Variants in FRYL observed in about 807,000 individuals in gnomAD.
FRYL encodes the protein FRY like transcription coactivator.
Under a neutral mutation model 351.2 loss-of-function variants are expected in FRYL, and 150 were observed. That is an observed-to-expected ratio of 0.43 (90% CI 0.37 to 0.49). The LOEUF (loss-of-function observed/expected upper bound fraction) is 0.49, where lower values mean the gene tolerates loss of function less well. Among genes scored for constraint, FRYL ranks in the 20% least tolerant of loss-of-function variants. The pLI is 0.00. For missense variants in FRYL, 3,036 were observed against 3,619.3 expected (o/e 0.84, Z 4.13); for synonymous variants, 1,153 against 1,257.1 (o/e 0.92, Z 1.75).
At chr4:48,528,565 A>G (rs1292535375) in intron 50 of FRYL, among the ~76,000 whole-genome samples, 1 of 152,174 alleles carries the variant, frequency 6.6e-6, no homozygotes, top group Non-Finnish European at 1.5e-5. Context: ...GATTATCAGA[A>G]AGCCTATTCC....
At chr4:48,552,319 G>T (rs1733041430) in intron 36 of FRYL, among the ~76,000 whole-genome samples, 1 of 151,702 alleles carries the variant, frequency 6.6e-6, no homozygotes, top group Admixed American at 6.6e-5. Flanking sequence ...TGACTAGAAA[G>T]AGTTTTCTCT....
rs551964366 is a variant in FRYL at position 48,685,803 on chromosome 4, G to A, written c.-203-1008C>T. Among the ~76,000 whole-genome samples, 415 of 151,740 alleles carry A rather than the reference G, an allele frequency of 2.7e-3. 3 individuals carry two copies. The highest frequency in any genetic ancestry group is 9.1e-3 in the African/African-American group (378 of 41,380). On this transcript the variant is annotated intron_variant, in intron 2 of 63. Coordinates refer to ENST00000358350, the MANE Select transcript of FRYL (RefSeq NM_015030.2). Reference sequence around the variant, plus strand: ...AGTTTCACTCTTGTTGCCCAGGCTAGAGTGCAGTGGCACGATCTCAGCTCA... The same window carrying A: ...AGTTTCACTCTTGTTGCCCAGGCTAAAGTGCAGTGGCACGATCTCAGCTCA...
intron 3 of FRYL, among the ~76,000 whole-genome samples, chr4:48,671,898 A>C (rs1762825271): frequency 6.8e-6 from 1 of 148,010 alleles, no homozygotes. Context: ...AAAAGAAGGA[A>C]AGACAGAAAA....
chr4:48,670,820 A>G (rs1024773998), intron 3 of FRYL, among the ~76,000 whole-genome samples: 7 of 152,184 alleles, frequency 4.6e-5, no homozygotes, highest in Non-Finnish European at 7.3e-5. Context: ...GTGTGTATGT[A>G]CCACATTTTC....
chr4:48,505,377 G>T, intron 60 of FRYL, 170 bp downstream of exon 60: 642 of 561,244 alleles, frequency 1.1e-3, no homozygotes, highest in Non-Finnish European at 1.3e-3. Context: ...TTTTCATTAT[G>T]AAACCAGTAT....
intron 3 of FRYL, among the ~76,000 whole-genome samples, chr4:48,657,461 AG>A (rs1759483107): frequency 6.7e-6 from 1 of 149,738 alleles, no homozygotes; most frequent in Non-Finnish European, 1.5e-5. Flanking sequence ...TCTTCAAATG[AG>A]TTTTCTACCC....
chr4:48,537,379 C>T (rs1729118757), intron 47 of FRYL, among the ~76,000 whole-genome samples: 1 of 152,032 alleles, frequency 6.6e-6, no homozygotes, highest in African/African-American at 2.4e-5. Context: ...TGTTTTATAA[C>T]AAACTTTTTT....
rs1730002326 is a variant in FRYL at position 48,540,896 on chromosome 4, G to A, written c.5752C>T (p.Leu1918Phe). ...YAANRKSTGQ[L>F]NLSTSPINSS... is the part of the protein sequence containing the mutation. ...TTAATGGGACTTGTGCTTAGATTGAGTTGTCCAGTGCTTTTCCTGTTAGCT... is the reference window on the plus strand; with the variant it reads ...TTAATGGGACTTGTGCTTAGATTGAATTGTCCAGTGCTTTTCCTGTTAGCT... Residue 1918 changes from leucine (L) to phenylalanine (F), a missense_variant, in exon 46 of 64, where the codon CTC becomes TTC. This residue lies in a region of FRYL where 1,987 missense variants were observed against 2,311.7 expected (regional missense o/e 0.86). Transcript: ENST00000358350. The A allele has an allele frequency of 1.9e-6, 3 of 1,613,256 alleles. No individual in the cohort carries two copies. Among genetic ancestry groups the A allele is most frequent in the Admixed American group, 1.7e-5 (1 of 59,948 alleles).
At chr4:48,527,757 G>T in intron 52 of FRYL, 104 bp from the exon 53 acceptor site, 2 of 1,184,744 alleles carry the variant, frequency 1.7e-6, no homozygotes, top group Non-Finnish European at 2.4e-6. Flanking sequence ...ATTCTTCAAT[G>T]AATTCACAGC....
intron 1 of FRYL, among the ~76,000 whole-genome samples, chr4:48,762,506 A>T (rs1207227941): frequency 6.6e-6 from 1 of 152,226 alleles, no homozygotes; most frequent in East Asian, 1.9e-4. Flanking sequence ...GGTTACAGAC[A>T]CAGGATGGAA....
rs1226337436 is a variant in FRYL, at chr4:48,687,979, T to C, written c.-203-3184A>G. On this transcript the variant is annotated intron_variant, in intron 2 of 63. Transcript: ENST00000358350. ...ACAGTTGTTAGGAATGTTAACATTCTTACAGAATGTTATAAAAGGGATTAT... is the reference window on the plus strand; with the variant it reads ...ACAGTTGTTAGGAATGTTAACATTCCTACAGAATGTTATAAAAGGGATTAT... 2.6e-5 allele frequency among the ~76,000 whole-genome samples: 4 copies of C among 152,168 alleles called. No individual in the cohort carries two copies. The East Asian group carries it at 7.7e-4, about 29-fold the overall frequency.
At chr4:48,562,352 T>C (rs1459272854) in intron 32 of FRYL, among the ~76,000 whole-genome samples, 2 of 152,168 alleles carry the variant, frequency 1.3e-5, no homozygotes, top group Admixed American at 6.5e-5. Flanking sequence ...TTCAGAGCCT[T>C]TGGAAAAAGC....
rs1406505868 is a variant in FRYL at position 48,581,488 on chromosome 4, T to A, written c.2104A>T (p.Thr702Ser). 10 of 1,614,112 alleles carry A rather than the reference T, an allele frequency of 6.2e-6. No individual in the cohort carries two copies. In the South Asian group the frequency reaches 1.1e-4, roughly 18 times the overall value. The change falls in exon 21 of 64, where the codon ACT becomes TCT. Residue 702 changes from threonine to serine, a missense_variant. By Grantham distance (58) the Thr-to-Ser change is moderately conservative. Around this residue, in one of 7 missense-constraint regions of FRYL, gnomAD observed 492 missense variants for 551.5 expected, o/e 0.89. Coordinates refer to ENST00000358350, the MANE Select transcript of FRYL (RefSeq NM_015030.2). ...LVILCSSRPA[T>S]RRLAVSVLRE... is the part of the protein sequence containing the mutation. Reference sequence around the variant, plus strand: ...AGGACACTGACGGCTAGTCTCCTAGTGGCAGGTCGACTGCTACAGAGAATG... The same window carrying A: ...AGGACACTGACGGCTAGTCTCCTAGAGGCAGGTCGACTGCTACAGAGAATG...
At position 48,634,491 on chromosome 4, in the gene FRYL, CTAAAAG is replaced by C. The variant is rs1753841595; in HGVS notation, c.-80-7_-80-2del. Reference sequence around the variant, plus strand: ...TTTACTTTGCTGACTGGCGCTGAAGCTAAAAGTAAAAGAAACAAAAGAACTCTACTT... The same window carrying C: ...TTTACTTTGCTGACTGGCGCTGAAGCTAAAAGAAACAAAAGAACTCTACTT... On this transcript the variant is annotated splice_acceptor_variant and splice_polypyrimidine_tract_variant and intron_variant, in intron 3 of 63. Coordinates refer to ENST00000358350, the MANE Select transcript of FRYL (RefSeq NM_015030.2). LOFTEE classifies it low-confidence loss of function (5UTR_SPLICE). 6.2e-7 allele frequency: 1 copy of C among 1,603,180 alleles called. No individual in the cohort carries two copies. Among genetic ancestry groups the C allele is most frequent in the Non-Finnish European group, 8.5e-7 (1 of 1,173,560 alleles).
chr4:48,604,753 C>T (rs543732409), intron 11 of FRYL, among the ~76,000 whole-genome samples: 19 of 152,298 alleles, frequency 1.2e-4, no homozygotes, highest in Admixed American at 4.6e-4. Context: ...TACTTTATTA[C>T]GGCTGTCCTA....
At chr4:48,708,356 A>G (rs1395952820) in intron 2 of FRYL, among the ~76,000 whole-genome samples, 1 of 152,076 alleles carries the variant, frequency 6.6e-6, no homozygotes, top group East Asian at 1.9e-4. Context: ...CATCCCAGCT[A>G]CTCGGGTGGC....
At chr4:48,610,525 C>G (rs991901057) in intron 7 of FRYL, among the ~76,000 whole-genome samples, 1 of 150,848 alleles carries the variant, frequency 6.6e-6, no homozygotes, top group African/African-American at 2.4e-5. Context: ...GTATTTAGAG[C>G]GCCTCCTTAT....
chr4:48,628,536 G>A (rs548066598), intron 4 of FRYL, among the ~76,000 whole-genome samples: 2 of 151,754 alleles, frequency 1.3e-5, no homozygotes, highest in Non-Finnish European at 2.9e-5. Flanking sequence ...AGGGGAAAGA[G>A]AGGCACAGAG....
intron 3 of FRYL, among the ~76,000 whole-genome samples, chr4:48,635,343 T>G (rs547709899): frequency 9.9e-5 from 15 of 152,080 alleles, no homozygotes; most frequent in Admixed American, 7.2e-4. Context: ...ATTACAGAAA[T>G]CCAGGTGAGA....
Sources: gnomAD v4.1 joint callset for allele counts (sites outside exome capture counted in the v4.1 genomes callset) on GRCh38, gnomAD v4.1.1 for gene constraint, gnomAD v4.1.1 regional missense constraint, MANE v1.5 for transcripts, NCBI Gene and HGNC (gene_info 2026-07-23, HGNC 2026-07-21) for gene names.